ATP11A: variants seen among roughly 807,000 people sequenced by gnomAD.
ATP11A encodes the protein ATPase phospholipid transporting 11A, also known as phospholipid-transporting ATPase IH.
Under a neutral mutation model 154.4 loss-of-function variants are expected in ATP11A, and 81 were observed. That is an observed-to-expected ratio of 0.52 (90% CI 0.44 to 0.63). The LOEUF (loss-of-function observed/expected upper bound fraction) is 0.63. Among genes scored for constraint, ATP11A ranks in the 30% least tolerant of loss-of-function variants. The probability of loss-of-function intolerance (pLI) is 0.00; values close to 1 mark genes in which losing one functional copy is unlikely to be tolerated. For synonymous variants in ATP11A, 623 were observed against 585.9 expected (o/e 1.06, Z -0.91); for missense variants, 1,316 against 1,474.3 (o/e 0.89, Z 1.76).
intron 1 of ATP11A, chr13:112,747,468 A>G (rs1892297562): frequency 6.6e-6 from 1 of 152,258 alleles, no homozygotes; most frequent in African/African-American, 2.4e-5. Flanking sequence ...TGTTTTTGGC[A>G]GTGTTTCAAA....
intron 12 of ATP11A, among the ~76,000 whole-genome samples, chr13:112,827,719 A>C (rs2078969589): frequency 6.6e-6 from 1 of 152,274 alleles, no homozygotes; most frequent in Non-Finnish European, 1.5e-5. Flanking sequence ...CACTTTAGAC[A>C]GGTAGCTGAA....
chr13:112,690,706 G>A lies in ATP11A; in HGVS notation c.39+251G>A, dbSNP rs1189450828. Among the ~76,000 whole-genome samples, 1 of 152,014 alleles carries A rather than the reference G, an allele frequency of 6.6e-6. No individual in the cohort carries two copies. Among genetic ancestry groups the A allele is most frequent in the African/African-American group, 2.4e-5 (1 of 41,406 alleles). ...CCGGGCGGCCACCTGCTCCCTGGCC[G>A]CGGCCGCCTGGCGCCCCCTTCCCGC... On this transcript the variant is annotated intron_variant, in intron 1 of 29. Coordinates refer to ENST00000375645, the MANE Select transcript of ATP11A (RefSeq NM_015205.3). This position sits in a 1 kb window ranked among gnomAD's most constrained non-coding sequence, Gnocchi z 5.6.
At chr13:112,729,956 G>A (rs908050068) in intron 1 of ATP11A, among the ~76,000 whole-genome samples, 1 of 152,226 alleles carries the variant, frequency 6.6e-6, no homozygotes, top group African/African-American at 2.4e-5. Flanking sequence ...TTCTTCAATA[G>A]CCAAAGCTTG....
intron 1 of ATP11A, among the ~76,000 whole-genome samples, chr13:112,691,432 CCA>C (rs2139431391): frequency 6.7e-6 from 1 of 148,418 alleles, no homozygotes; most frequent in Admixed American, 6.7e-5. Flanking sequence ...CCACTGCACT[CCA>C]ACCTGGGTGA....
Position 112,862,444 on chromosome 13 carries a change from G to A in ATP11A, c.2860G>A (p.Val954Ile), listed in dbSNP as rs141611036. 339 of 1,613,574 alleles carry A rather than the reference G, an allele frequency of 2.1e-4. 1 individual carries two copies. The highest frequency in any genetic ancestry group is 2.4e-4 in the Non-Finnish European group (282 of 1,180,010). Reference sequence around the variant, plus strand: ...GTGCACCTTTCTCCTCACCAGGGACGTCGCCAAGAATGCCCTGCTGCGCTG... The same window carrying A: ...GTGCACCTTTCTCCTCACCAGGGACATCGCCAAGAATGCCCTGCTGCGCTG... ...LKRDPTLYRD[V>I]AKNALLRWRV... Residue 954 changes from valine (V) to isoleucine (I), a missense_variant, in exon 25 of 30, where the codon GTC becomes ATC. Val to Ile is a conservative substitution (Grantham distance 29, BLOSUM62 3). Coordinates refer to ENST00000375645, the MANE Select transcript of ATP11A (RefSeq NM_015205.3).
At chr13:112,719,640 G>A (rs1012110643) in intron 1 of ATP11A, among the ~76,000 whole-genome samples, 2 of 95,028 alleles carry the variant, frequency 2.1e-5, no homozygotes, top group African/African-American at 3.2e-5. Context: ...GAAGCTGATG[G>A]TGAACTTCAG....
intron 1 of ATP11A, among the ~76,000 whole-genome samples, chr13:112,698,314 C>T (rs1429590169): frequency 6.6e-6 from 1 of 152,192 alleles, no homozygotes; most frequent in Admixed American, 6.5e-5. Context: ...GACCACCCCA[C>T]CCGGTCCCAA....
Position 112,875,374 on chromosome 13 carries a change from T to C in ATP11A, c.3162-402T>C, listed in dbSNP as rs1246043089. 1.3e-5 allele frequency among the ~76,000 whole-genome samples: 2 copies of C among 152,166 alleles called. No individual in the cohort carries two copies. Among genetic ancestry groups the C allele is most frequent in the Non-Finnish European group, 2.9e-5 (2 of 68,026 alleles). On this transcript the variant is annotated intron_variant, in intron 27 of 29. Transcript: ENST00000375645. The surrounding 1 kb of genome is among the most constrained non-coding windows in gnomAD (Gnocchi z 4.1). ...AGACGTCTTTGAATCATCCTCTTTC[T>C]GGGGAGAGAAGTCATTGCTTGCTCT...
intron 26 of ATP11A, among the ~76,000 whole-genome samples, chr13:112,873,187 G>A (rs1463340075): frequency 3.5e-5 from 5 of 143,660 alleles, no homozygotes; most frequent in African/African-American, 1.1e-4. Context: ...GTCTTCCTGA[G>A]CGGTGTGAGG....
chr13:112,842,608 C>T (rs532026163), intron 17 of ATP11A, among the ~76,000 whole-genome samples: 1 of 152,260 alleles, frequency 6.6e-6, no homozygotes, highest in Non-Finnish European at 1.5e-5. Flanking sequence ...CACAGGCCAT[C>T]TCCTCCCCAG....
At chr13:112,771,487 TCTTA>T (rs2077224703) in intron 1 of ATP11A, among the ~76,000 whole-genome samples, 1 of 152,206 alleles carries the variant, frequency 6.6e-6, no homozygotes, top group South Asian at 2.1e-4. Context: ...GTTTCTCTCT[TCTTA>T]CTTTGAGAAT....
At chr13:112,781,964 G>C (rs989591098) in intron 1 of ATP11A, among the ~76,000 whole-genome samples, 3 of 152,168 alleles carry the variant, frequency 2.0e-5, no homozygotes, top group Non-Finnish European at 4.4e-5. Context: ...TCTGGTGTCT[G>C]TTATGCTGAC....
At chr13:112,812,294 C>T (rs1392752455) in intron 5 of ATP11A, 4 of 152,214 alleles carry the variant, frequency 2.6e-5, no homozygotes, top group Admixed American at 2.6e-4. Flanking sequence ...ATCTAGGTGC[C>T]AGGCCCACAC....
Position 112,730,398 on chromosome 13 carries a change from CAA to C in ATP11A, c.39+39945_39+39946del, listed in dbSNP as rs572031371. On this transcript the variant is annotated intron_variant, in intron 1 of 29. Transcript: ENST00000375645. ...TTCCTGGCATGGAACAGTTTGTTCT[CAA>C]AGAGCCAGCTGAGCCCACAGCAGTT... is the stretch of plus-strand genomic sequence containing the variant. Among the ~76,000 whole-genome samples, 189 of 152,330 alleles carry C rather than the reference CAA, an allele frequency of 1.2e-3. No individual in the cohort carries two copies. In the East Asian group the frequency reaches 0.013, roughly 10 times the overall value.
At position 112,746,045 on chromosome 13, in the gene ATP11A, C is replaced by T. The variant is rs952629017; in HGVS notation, c.40-39090C>T. 2 of 151,980 alleles carry T rather than the reference C, an allele frequency of 1.3e-5. No homozygotes were observed. The highest frequency in any genetic ancestry group is 1.3e-4 in the Admixed American group (2 of 15,250). 9.4% of individuals were successfully genotyped at this position (151,980 alleles called of 1,614,324 possible). A position where few individuals can be genotyped will look rare whatever the true frequency, so the allele number is the denominator to read the frequency against. ...TGTCGTTTTGTGGCGGAATCACGTTCTGTTGTGTGTATACACCACGTTTTT... is the reference window on the plus strand; with the variant it reads ...TGTCGTTTTGTGGCGGAATCACGTTTTGTTGTGTGTATACACCACGTTTTT... On this transcript the variant is annotated intron_variant, in intron 1 of 29. Coordinates refer to ENST00000375645, the MANE Select transcript of ATP11A (RefSeq NM_015205.3). This position sits in a 1 kb window ranked among gnomAD's most constrained non-coding sequence, Gnocchi z 4.1.
intron 25 of ATP11A, among the ~76,000 whole-genome samples, chr13:112,863,429 C>G (rs200665381): frequency 1.1e-4 from 3 of 26,630 alleles, no homozygotes; most frequent in African/African-American, 3.5e-4. Context: ...AGTGCAGGCC[C>G]TGCAGCTTCC....
rs117266261 is a variant in ATP11A, at chr13:112,705,429, G to T, written c.39+14974G>T. On this transcript the variant is annotated intron_variant, in intron 1 of 29. Transcript: ENST00000375645. ...CGCACGCACTGAGCAGCTGCTGTAT[G>T]CGCTGAAGATTCTGTGGGGAGCAAG... 1.8e-3 allele frequency among the ~76,000 whole-genome samples: 245 copies of T among 136,702 alleles called. 3 individuals carry two copies. The East Asian group carries it at 0.03, about 16-fold the overall frequency. 89.7% of individuals were successfully genotyped at this position (136,702 alleles called of 152,430 possible).
At chr13:112,806,110 T>TA in intron 3 of ATP11A, 103 bp from the exon 4 acceptor site, 1 of 786,618 alleles carries the variant, frequency 1.3e-6, no homozygotes, top group African/African-American at 1.7e-5. Context: ...GGTCTTTAAA[T>TA]AAGTCAAAGC....
Position 112,831,380 on chromosome 13 carries a change from G to A in ATP11A, c.1227G>A (p.Glu409=). Residue 409 remains glutamate, a synonymous_variant, in exon 13 of 30, where the codon GAG becomes GAA. Transcript: ENST00000375645. ...SDLNEELGQV[E]YIFTDKTGTL... ...TTGCTGTGCCCTGCCCGCAGGTGGA[G>A]TACATCTTCACAGACAAGACCGGCA... is the stretch of plus-strand genomic sequence containing the variant. The A allele has an allele frequency of 6.2e-7, 1 of 1,614,010 alleles. No homozygotes were observed.
Sources: gnomAD v4.1 joint callset for allele counts (sites outside exome capture counted in the v4.1 genomes callset) on GRCh38, gnomAD v4.1.1 for gene constraint, Gnocchi (gnomAD v3.1) non-coding constraint, MANE v1.5 for transcripts, NCBI Gene and HGNC (gene_info 2026-07-23, HGNC 2026-07-21) for gene names.